BACH2: variants seen among roughly 807,000 people sequenced by gnomAD.
BACH2 encodes transcription regulator protein BACH2.
In BACH2, 5 loss-of-function variants were observed where a neutral mutation model predicts 61.8. That is an observed-to-expected ratio of 0.08 (90% CI 0.04 to 0.17). The LOEUF (loss-of-function observed/expected upper bound fraction) is 0.17. BACH2 is among the 10% of genes least tolerant of loss of function. BACH2 has a pLI of 1.00. For synonymous variants in BACH2, 446 were observed against 440.1 expected (o/e 1.01, Z -0.17); for missense variants, 824 against 1,091.1 (o/e 0.76, Z 3.45).
chr6:90,127,175 C>T (rs11968498), intron 4 of BACH2, among the ~76,000 whole-genome samples: 16,082 of 152,268 alleles, frequency 0.11, 1,594 homozygotes, highest in African/African-American at 0.26. Context: ...AACACACTTA[C>T]CCTCTTTTCC....
Position 90,100,749 on chromosome 6 carries a change from A to C in BACH2, c.-161-11640T>G, listed in dbSNP as rs138767482. On this transcript the variant is annotated intron_variant, in intron 4 of 8. Coordinates refer to ENST00000257749, the MANE Select transcript of BACH2 (RefSeq NM_021813.4). ...CACAGACACACACACACACACACACACCCTCTATTGGTTCTATTCTCTGCA... is the reference window on the plus strand; with the variant it reads ...CACAGACACACACACACACACACACCCCCTCTATTGGTTCTATTCTCTGCA... Among the ~76,000 whole-genome samples the C allele has an allele frequency of 1.7e-4, 25 of 150,722 alleles. No homozygotes were observed. The East Asian group carries it at 3.7e-3, about 22-fold the overall frequency.
chr6:89,941,470 T>A (rs947822514), intron 7 of BACH2, among the ~76,000 whole-genome samples: 1 of 152,224 alleles, frequency 6.6e-6, no homozygotes, highest in Non-Finnish European at 1.5e-5. Context: ...GACACCACTG[T>A]CGGCTTGGCC....
chr6:90,076,253 C>A (rs1421866131), intron 5 of BACH2, among the ~76,000 whole-genome samples: 1 of 151,870 alleles, frequency 6.6e-6, no homozygotes, highest in Non-Finnish European at 1.5e-5. Flanking sequence ...TGTTACCGAG[C>A]GAATGAGGAT....
intron 4 of BACH2, among the ~76,000 whole-genome samples, chr6:90,142,801 A>C (rs1217741926): frequency 2.0e-5 from 3 of 152,148 alleles, no homozygotes; most frequent in Non-Finnish European, 4.4e-5. Context: ...CTATTTTCTA[A>C]AGTTTCAATG....
chr6:90,274,762 T>C (rs1209549033), intron 1 of BACH2, among the ~76,000 whole-genome samples: 4 of 152,210 alleles, frequency 2.6e-5, no homozygotes, highest in Admixed American at 2.6e-4. Flanking sequence ...TTAGATTCTG[T>C]CATTGAGACC....
chr6:90,018,021 A>G (rs545876906), intron 5 of BACH2, among the ~76,000 whole-genome samples: 2 of 152,342 alleles, frequency 1.3e-5, no homozygotes, highest in East Asian at 3.9e-4. Flanking sequence ...GAAAAGCAGC[A>G]TTTAGTCTAG....
At chr6:90,263,440 C>A (rs1847472) in intron 2 of BACH2, among the ~76,000 whole-genome samples, 38,599 of 152,086 alleles carry the variant, frequency 0.25, 5,695 homozygotes, top group Non-Finnish European at 0.34. Context: ...TTAAATCCTA[C>A]CGAAGAAGGA....
chr6:90,027,758 T>A lies in BACH2; in HGVS notation c.-12-18902A>T, dbSNP rs146794832. On this transcript the variant is annotated intron_variant, in intron 5 of 8. Transcript: ENST00000257749. ...CATTGTTAGACTGTGTAATCCTTGG[T>A]CTTTCTATGTACAAAATACTTATGT... Among the ~76,000 whole-genome samples the A allele has an allele frequency of 7.9e-5, 12 of 152,314 alleles. No homozygotes were observed. The East Asian group carries it at 2.3e-3, about 29-fold the overall frequency.
At chr6:89,937,934 C>A (rs577099730) in intron 8 of BACH2, among the ~76,000 whole-genome samples, 1 of 152,098 alleles carries the variant, frequency 6.6e-6, no homozygotes, top group Admixed American at 6.5e-5. Context: ...TACACACCTG[C>A]GCGCATGCAT....
At chr6:90,121,170 T>C (rs1783608126) in intron 4 of BACH2, among the ~76,000 whole-genome samples, 1 of 152,174 alleles carries the variant, frequency 6.6e-6, no homozygotes, top group African/African-American at 2.4e-5. Flanking sequence ...AGACCCAAAC[T>C]CGAAGAAAAG....
intron 7 of BACH2, among the ~76,000 whole-genome samples, chr6:89,946,672 C>T (rs575744720): frequency 3.3e-5 from 5 of 151,978 alleles, no homozygotes; most frequent in East Asian, 1.9e-4. Context: ...TAGACAGCTA[C>T]GTGAAAAAAG....
chr6:90,027,227 G>C (rs143561998), intron 5 of BACH2, among the ~76,000 whole-genome samples: 14 of 152,222 alleles, frequency 9.2e-5, no homozygotes, highest in Non-Finnish European at 1.9e-4. Flanking sequence ...CAGAGAACAC[G>C]GGGAAAAGGC....
chr6:90,136,559 TCTC>T (rs906731132), intron 4 of BACH2, among the ~76,000 whole-genome samples: 20 of 152,244 alleles, frequency 1.3e-4, no homozygotes, highest in African/African-American at 4.3e-4. Context: ...CTATTTACCT[TCTC>T]CTTATAAATG....
intron 7 of BACH2, among the ~76,000 whole-genome samples, chr6:89,941,539 G>C (rs1469433451): frequency 6.6e-6 from 1 of 152,220 alleles, no homozygotes; most frequent in Non-Finnish European, 1.5e-5. Flanking sequence ...ATGGGCTCGG[G>C]AAAGGCCTTT....
At chr6:90,208,192 C>A (rs1251248211) in intron 3 of BACH2, among the ~76,000 whole-genome samples, 1 of 152,106 alleles carries the variant, frequency 6.6e-6, no homozygotes, top group Non-Finnish European at 1.5e-5. Flanking sequence ...CAACAAAAGC[C>A]AAAATTGACA....
At chr6:90,041,897 T>C (rs1779554876) in intron 5 of BACH2, among the ~76,000 whole-genome samples, 1 of 152,234 alleles carries the variant, frequency 6.6e-6, no homozygotes, top group South Asian at 2.1e-4. Context: ...CTTCCTGCTA[T>C]ATTTTAAGTT....
chr6:90,278,627 G>A (rs1030557862), intron 1 of BACH2, among the ~76,000 whole-genome samples: 6 of 152,178 alleles, frequency 3.9e-5, no homozygotes, highest in African/African-American at 1.2e-4. Context: ...TCTGTACATT[G>A]TAGATATTAA....
intron 8 of BACH2, among the ~76,000 whole-genome samples, chr6:89,936,096 G>C (rs531333707): frequency 6.6e-6 from 1 of 152,314 alleles, no homozygotes; most frequent in South Asian, 2.1e-4. Flanking sequence ...GCCAGCAATG[G>C]GTCCAACACT....
At chr6:89,974,400 A>AATC (rs777031286) in intron 6 of BACH2, among the ~76,000 whole-genome samples, 1 of 152,220 alleles carries the variant, frequency 6.6e-6, no homozygotes, top group Non-Finnish European at 1.5e-5. Flanking sequence ...TATTTAAAAA[A>AATC]ATCATCATCA....
Sources: allele counts gnomAD v4.1 joint callset (sites outside exome capture counted in the v4.1 genomes callset), GRCh38; gene constraint gnomAD v4.1.1; transcripts MANE v1.5; gene names NCBI Gene and HGNC (gene_info 2026-07-23, HGNC 2026-07-21).